The following CACNA2D3 variants were observed in gnomAD, a reference collection of about 807,000 sequenced individuals.
CACNA2D3 encodes the protein voltage-dependent calcium channel subunit alpha-2/delta-3.
CACNA2D3 carries 60 observed loss-of-function variants against 160.6 expected under a neutral mutation model. The observed-to-expected ratio is 0.37, with a 90% CI of 0.30 to 0.46. The LOEUF (loss-of-function observed/expected upper bound fraction) is 0.46, where lower values mean the gene tolerates loss of function less well. Among genes scored for constraint, CACNA2D3 ranks in the 20% least tolerant of loss-of-function variants. The pLI is 1.00. For synonymous variants in CACNA2D3, 558 were observed against 492.9 expected (o/e 1.13, Z -1.75); for missense variants, 1,205 against 1,365.0 (o/e 0.88, Z 1.85).
intron 9 of CACNA2D3, among the ~76,000 whole-genome samples, chr3:54,620,512 C>G (rs1045664841): frequency 2.0e-5 from 3 of 152,164 alleles, no homozygotes; most frequent in Non-Finnish European, 4.4e-5. Flanking sequence ...CACTGGATTT[C>G]ACGTACAAAT....
chr3:54,808,216 A>T (rs1025160076), intron 13 of CACNA2D3, among the ~76,000 whole-genome samples: 17 of 152,120 alleles, frequency 1.1e-4, no homozygotes, highest in African/African-American at 3.6e-4. Flanking sequence ...AATAATTTTT[A>T]AAAAATAAAA....
chr3:54,783,973 A>T (rs549960327), intron 13 of CACNA2D3, among the ~76,000 whole-genome samples: 1 of 152,318 alleles, frequency 6.6e-6, no homozygotes, highest in Non-Finnish European at 1.5e-5. Context: ...AATTTATATA[A>T]CCCCAACTGC....
At chr3:54,341,509 C>A (rs1323080869) in intron 3 of CACNA2D3, among the ~76,000 whole-genome samples, 1 of 152,174 alleles carries the variant, frequency 6.6e-6, no homozygotes, top group African/African-American at 2.4e-5. Flanking sequence ...CTGAAGGGGT[C>A]AGGAAGGTTG....
chr3:54,979,735 C>T (rs1702466832), intron 29 of CACNA2D3, among the ~76,000 whole-genome samples: 2 of 152,134 alleles, frequency 1.3e-5, no homozygotes, highest in Admixed American at 1.3e-4. Context: ...CTGAAACTTT[C>T]TTCCTCTATT....
intron 10 of CACNA2D3, among the ~76,000 whole-genome samples, chr3:54,640,460 A>C (rs1387926157): frequency 6.6e-6 from 1 of 152,110 alleles, no homozygotes; most frequent in Non-Finnish European, 1.5e-5. Flanking sequence ...TAATTAAGGG[A>C]ATTTTTCACC....
intron 5 of CACNA2D3, among the ~76,000 whole-genome samples, chr3:54,542,299 A>T (rs1227664494): frequency 6.6e-6 from 1 of 152,060 alleles, no homozygotes; most frequent in East Asian, 1.9e-4. Flanking sequence ...TGACCTTGTG[A>T]TCTGCCCACG....
At chr3:54,141,094 C>CACGT (rs1553731351) in intron 2 of CACNA2D3, among the ~76,000 whole-genome samples, 902 of 81,966 alleles carry the variant, frequency 0.011, 15 homozygotes, top group African/African-American at 0.032. Flanking sequence ...TGTGCGCGCG[C>CACGT]GCGCGTGTGT....
rs1702230037 is a variant in CACNA2D3, at chr3:54,969,728, G to C, written c.2512-72G>C. On this transcript the variant is annotated intron_variant, in intron 28 of 37. Transcript: ENST00000474759. ...ATAGCTTGTCCTTAAGTAGCTCAGT[G>C]GCAGCCACAGCAGGCACTGGGATGC... 7.6e-6 allele frequency: 10 copies of C among 1,322,926 alleles called. No individual in the cohort carries two copies. In the South Asian group the frequency reaches 1.1e-4, roughly 15 times the overall value. 81.9% of individuals were successfully genotyped at this position (1,322,926 alleles called of 1,614,324 possible).
intron 27 of CACNA2D3, among the ~76,000 whole-genome samples, chr3:54,912,446 C>A (rs938251539): frequency 5.9e-5 from 9 of 152,056 alleles, no homozygotes; most frequent in Non-Finnish European, 1.3e-4. Context: ...TTCTACTTCC[C>A]TTTTGCCCAC....
chr3:54,906,062 G>A (rs1235350177), intron 27 of CACNA2D3, among the ~76,000 whole-genome samples: 1 of 152,168 alleles, frequency 6.6e-6, no homozygotes, highest in Admixed American at 6.5e-5. Context: ...CAGAGACTGA[G>A]ATGACAGCTT....
intron 2 of CACNA2D3, among the ~76,000 whole-genome samples, chr3:54,294,655 C>A (rs375945994): frequency 6.6e-6 from 1 of 152,270 alleles, no homozygotes; most frequent in East Asian, 1.9e-4. Context: ...AGGCCTTGGT[C>A]ATTTTATCGA....
intron 9 of CACNA2D3, among the ~76,000 whole-genome samples, chr3:54,586,639 T>C (rs1702767503): frequency 6.6e-6 from 1 of 152,194 alleles, no homozygotes; most frequent in Non-Finnish European, 1.5e-5. Context: ...TCAGCAAGGA[T>C]ATAGAAGAGC....
chr3:54,651,783 C>A (rs1037836518), intron 11 of CACNA2D3, among the ~76,000 whole-genome samples: 1 of 152,062 alleles, frequency 6.6e-6, no homozygotes, highest in East Asian at 1.9e-4. Context: ...TTTACCGTGG[C>A]GCCTCTGAGG....
intron 13 of CACNA2D3, among the ~76,000 whole-genome samples, chr3:54,778,375 C>T (rs148692543): frequency 6.6e-6 from 1 of 152,000 alleles, no homozygotes; most frequent in Non-Finnish European, 1.5e-5. Context: ...TAGAACCAGC[C>T]CTGTATTCTC....
chr3:54,881,621 G>A (rs930386340), intron 21 of CACNA2D3, among the ~76,000 whole-genome samples: 1 of 152,164 alleles, frequency 6.6e-6, no homozygotes, highest in Non-Finnish European at 1.5e-5. Context: ...TTTCTGAAGG[G>A]CACCACTCCC....
chr3:54,254,951 CAG>C (rs1476565533), intron 2 of CACNA2D3, among the ~76,000 whole-genome samples: 1 of 152,210 alleles, frequency 6.6e-6, no homozygotes, highest in African/African-American at 2.4e-5. Context: ...CTGCCAAATG[CAG>C]ATAAAAGCAC....
chr3:54,525,188 T>G (rs1226681252), intron 5 of CACNA2D3, among the ~76,000 whole-genome samples: 5 of 152,160 alleles, frequency 3.3e-5, no homozygotes, highest in Non-Finnish European at 7.4e-5. Flanking sequence ...TTTTATTTAT[T>G]CCTGTGGATT....
chr3:54,338,259 A>G lies in CACNA2D3; in HGVS notation c.321+17701A>G, dbSNP rs58682581. Among the ~76,000 whole-genome samples the G allele has an allele frequency of 3.7e-3, 568 of 152,198 alleles. 8 individuals carry two copies. Among genetic ancestry groups the G allele is most frequent in the East Asian group, 0.036 (188 of 5,174 alleles). On this transcript the variant is annotated intron_variant, in intron 3 of 37. Coordinates refer to ENST00000474759, the MANE Select transcript of CACNA2D3 (RefSeq NM_018398.3). The stretch of plus-strand genomic sequence containing the variant: ...TGGCTTGGGTGATGGGTGCACAGGA[A>G]TAAAACACCATAACTTGTTTACCGT...
chr3:54,470,827 A>T (rs938835479), intron 4 of CACNA2D3, among the ~76,000 whole-genome samples: 2 of 152,344 alleles, frequency 1.3e-5, no homozygotes, highest in Admixed American at 1.3e-4. Context: ...AGGGCATTAC[A>T]TAATGGTAAA....
Sources: gnomAD v4.1 joint callset for allele counts (sites outside exome capture counted in the v4.1 genomes callset) on GRCh38, gnomAD v4.1.1 for gene constraint, MANE v1.5 for transcripts, NCBI Gene and HGNC (gene_info 2026-07-23, HGNC 2026-07-21) for gene names.